The following PDE4D variants were observed in gnomAD, a reference collection of about 807,000 sequenced individuals.
The protein encoded by PDE4D is phosphodiesterase 4D, also known as 3',5'-cyclic-AMP phosphodiesterase 4D.
A neutral mutation model predicts 87.4 loss-of-function variants in PDE4D; 24 were observed. The ratio of observed to expected loss-of-function variants is 0.27; its 90% confidence interval spans 0.20 to 0.39. The LOEUF (loss-of-function observed/expected upper bound fraction) is 0.39. PDE4D is among the 10% of genes least tolerant of loss of function. The probability of loss-of-function intolerance (pLI) is 1.00; values close to 1 mark genes in which losing one functional copy is unlikely to be tolerated. For missense variants in PDE4D, 714 were observed against 1,041.0 expected (o/e 0.69, Z 4.32); for synonymous variants, 384 against 383.2 (o/e 1.00, Z -0.02).
chr5:59,230,947 A>G (rs1755043793), intron 1 of PDE4D, among the ~76,000 whole-genome samples: 1 of 152,214 alleles, frequency 6.6e-6, no homozygotes, highest in South Asian at 2.1e-4. Flanking sequence ...GCCATAAACA[A>G]TCACTTGCCT....
intron 1 of PDE4D, among the ~76,000 whole-genome samples, chr5:60,249,989 G>C (rs1213389605): frequency 6.6e-6 from 1 of 151,848 alleles, no homozygotes; most frequent in East Asian, 1.9e-4. Flanking sequence ...ACCTTTTCTT[G>C]AATTTTATTG....
chr5:59,652,924 G>A (rs1009563539), intron 1 of PDE4D, among the ~76,000 whole-genome samples: 6 of 151,796 alleles, frequency 4.0e-5, no homozygotes, highest in Non-Finnish European at 7.4e-5. Flanking sequence ...TCCATGCCAA[G>A]TAAATATCTT....
intron 1 of PDE4D, among the ~76,000 whole-genome samples, chr5:59,880,855 A>T (rs1157366484): frequency 8.5e-5 from 13 of 152,166 alleles, no homozygotes; most frequent in African/African-American, 3.1e-4. Context: ...TGCTATAGTG[A>T]GATTATTGAG....
At chr5:59,770,329 G>T (rs1763312394) in intron 1 of PDE4D, among the ~76,000 whole-genome samples, 1 of 152,130 alleles carries the variant, frequency 6.6e-6, no homozygotes, top group Non-Finnish European at 1.5e-5. Flanking sequence ...CCCTCAAGGA[G>T]CTTGTAACTT....
intron 1 of PDE4D, chr5:59,275,567 G>C: frequency 7.1e-7 from 1 of 1,413,114 alleles, no homozygotes. Context: ...TCCAGCTCAT[G>C]GGCAAGGTTC....
chr5:60,124,026 T>A (rs964517468), intron 2 of PDE4D, among the ~76,000 whole-genome samples: 3 of 152,266 alleles, frequency 2.0e-5, no homozygotes, highest in African/African-American at 7.2e-5. Flanking sequence ...GTACAATATA[T>A]TTATCATTTA....
intron 1 of PDE4D, among the ~76,000 whole-genome samples, chr5:60,208,275 T>A (rs915211522): frequency 6.6e-6 from 1 of 152,044 alleles, no homozygotes; most frequent in South Asian, 2.1e-4. Flanking sequence ...CAGAAAGAGA[T>A]TCTTTGAAAA....
intron 2 of PDE4D, among the ~76,000 whole-genome samples, chr5:60,172,678 A>T (rs1269682910): frequency 6.6e-6 from 1 of 152,156 alleles, no homozygotes; most frequent in Admixed American, 6.6e-5. Context: ...ACTAGAACTC[A>T]TTCATTCTAA....
At chr5:60,364,263 C>T (rs1760334206) in intron 1 of PDE4D, among the ~76,000 whole-genome samples, 1 of 152,116 alleles carries the variant, frequency 6.6e-6, no homozygotes, top group Non-Finnish European at 1.5e-5. Context: ...TGAATTCTTA[C>T]TCTGCCAGTG....
chr5:59,390,551 A>G (rs1246366730), intron 1 of PDE4D, among the ~76,000 whole-genome samples: 1 of 152,156 alleles, frequency 6.6e-6, no homozygotes. Context: ...ATAAAGAGCA[A>G]ATCAGGGTTA....
chr5:59,422,647 T>C (rs978687752), intron 1 of PDE4D, among the ~76,000 whole-genome samples: 1 of 152,224 alleles, frequency 6.6e-6, no homozygotes, highest in African/African-American at 2.4e-5. Flanking sequence ...ATGTCTCTTA[T>C]TGGATATAGA....
intron 1 of PDE4D, among the ~76,000 whole-genome samples, chr5:59,596,983 G>C (rs964159904): frequency 8.5e-5 from 13 of 152,094 alleles, no homozygotes; most frequent in Admixed American, 2.0e-4. Flanking sequence ...GAAACACAGA[G>C]ACAAAAAGAA....
chr5:59,936,632 G>T (rs1352234033), intron 3 of PDE4D, among the ~76,000 whole-genome samples: 5 of 152,134 alleles, frequency 3.3e-5, no homozygotes, highest in Non-Finnish European at 7.4e-5. Flanking sequence ...CCACTCCATA[G>T]CTGTGAGAAA....
intron 1 of PDE4D, among the ~76,000 whole-genome samples, chr5:59,359,006 T>C (rs1319314051): frequency 6.6e-6 from 1 of 152,220 alleles, no homozygotes; most frequent in Admixed American, 6.5e-5. Context: ...GCCAGCAGTA[T>C]ACATTTTCAC....
chr5:59,454,299 C>T (rs996913134), intron 1 of PDE4D, among the ~76,000 whole-genome samples: 2 of 152,176 alleles, frequency 1.3e-5, no homozygotes, highest in South Asian at 2.1e-4. Context: ...TCCCACATGT[C>T]GTGGGAGAAA....
intron 1 of PDE4D, among the ~76,000 whole-genome samples, chr5:60,507,383 A>T (rs1288488209): frequency 6.6e-6 from 1 of 152,166 alleles, no homozygotes; most frequent in African/African-American, 2.4e-5. Context: ...CCTAAGTGAT[A>T]TTTTAAAACT....
intron 1 of PDE4D, among the ~76,000 whole-genome samples, chr5:59,354,647 C>T (rs1240304166): frequency 6.6e-6 from 1 of 152,156 alleles, no homozygotes; most frequent in African/African-American, 2.4e-5. Context: ...CCTTTGGATA[C>T]ATGAGGGACC....
At chr5:59,217,745 T>G (rs1249715432) in intron 1 of PDE4D, among the ~76,000 whole-genome samples, 2 of 152,178 alleles carry the variant, frequency 1.3e-5, no homozygotes, top group Non-Finnish European at 2.9e-5. Context: ...CATGATTATA[T>G]AAACCACAAA....
intron 1 of PDE4D, among the ~76,000 whole-genome samples, chr5:59,841,566 G>A (rs966643031): frequency 6.6e-6 from 1 of 151,994 alleles, no homozygotes; most frequent in African/African-American, 2.4e-5. Context: ...GCTAGGACCT[G>A]GGGAATTTGT....
Sources: gnomAD v4.1 joint callset for allele counts (sites outside exome capture counted in the v4.1 genomes callset) on GRCh38, gnomAD v4.1.1 for gene constraint, MANE v1.5 for transcripts, NCBI Gene and HGNC (gene_info 2026-07-23, HGNC 2026-07-21) for gene names.